Variants in PHIP observed in about 807,000 individuals in gnomAD.
PHIP encodes the protein PH-interacting protein.
PHIP carries 54 observed loss-of-function variants against 236.8 expected under a neutral mutation model. The ratio of observed to expected loss-of-function variants is 0.23; its 90% confidence interval spans 0.18 to 0.29. The LOEUF is 0.29. Among genes scored for constraint, PHIP ranks in the 10% least tolerant of loss-of-function variants. PHIP has a pLI of 1.00. For missense variants in PHIP, 1,370 were observed against 2,190.8 expected, an observed-to-expected ratio of 0.63 and a Z score of 7.48; for synonymous variants, 756 against 718.9, an observed-to-expected ratio of 1.05 and a Z score of -0.83.
rs530257010 is a variant in PHIP at position 78,983,773 on chromosome 6, GC to G, written c.2538-657del. ...AGGTGTATCTTATGCTTCAAAGCAT[GC>G]CATGATTCAGAAAAATACAGGCCTT... is the stretch of plus-strand genomic sequence containing the variant. On this transcript the variant is annotated intron_variant, in intron 22 of 39. Coordinates refer to ENST00000275034, the MANE Select transcript of PHIP (RefSeq NM_017934.7). Among the ~76,000 whole-genome samples, 214 of 152,218 alleles carry G rather than the reference GC, an allele frequency of 1.4e-3. 4 individuals are homozygous for G. Among genetic ancestry groups the G allele is most frequent in the African/African-American group, 4.6e-3 (189 of 41,524 alleles).
intron 37 of PHIP, 62 bp from the exon 38 acceptor site, chr6:78,946,322 T>G: frequency 1.3e-6 from 2 of 1,489,090 alleles, no homozygotes; most frequent in Non-Finnish European, 1.8e-6. Context: ...TAAAACAGTT[T>G]ATAATATTTT....
intron 27 of PHIP, among the ~76,000 whole-genome samples, chr6:78,968,121 C>A (rs1054656890): frequency 6.6e-6 from 1 of 152,030 alleles, no homozygotes; most frequent in South Asian, 2.1e-4. Flanking sequence ...GGTGACAGAG[C>A]GAGACTCCAT....
chr6:79,077,399 T>C, intron 4 of PHIP, 49 bp downstream of exon 4: 1 of 1,497,168 alleles, frequency 6.7e-7, no homozygotes, highest in South Asian at 1.1e-5. Flanking sequence ...ATTCAATTTT[T>C]ATTCGACTCA....
chr6:78,935,165 T>C lies in PHIP; in HGVS notation c.*5528A>G, dbSNP rs1444205322. On this transcript the variant is annotated 3_prime_UTR_variant, in exon 40 of 40. Coordinates refer to ENST00000275034, the MANE Select transcript of PHIP (RefSeq NM_017934.7). ...GGTTCTTCTAAGTATATACTAGGTA[T>C]TGTTATTAGCAGACTTCATAAAGAA... Among the ~76,000 whole-genome samples, 2 of 152,178 alleles carry C rather than the reference T, an allele frequency of 1.3e-5. No individual in the cohort carries two copies. The highest frequency in any genetic ancestry group is 2.9e-5 in the Non-Finnish European group (2 of 68,016).
rs1038564652 is a variant in PHIP at position 79,013,835 on chromosome 6, AT to A, written c.1524+1246del. Among the ~76,000 whole-genome samples the A allele has an allele frequency of 1.3e-3, 194 of 151,598 alleles. 1 individual carries two copies. Among genetic ancestry groups the A allele is most frequent in the African/African-American group, 4.5e-3 (185 of 41,458 alleles). On this transcript the variant is annotated intron_variant, in intron 15 of 39. Coordinates refer to ENST00000275034, the MANE Select transcript of PHIP (RefSeq NM_017934.7). ...CTAGTATATATATAGCTCACATATT[AT>A]TTTTTTTAAGCTATAAAGACAGATT...
In PHIP at chr6:78,977,864, CT is replaced by C. The variant is rs974349285; in HGVS notation, c.2889+727del. ...TCTAGCATTAAAAAGTTTTTGTTTT[CT>C]TTTTTTTCTTAAAGTGTCAATTACC... On this transcript the variant is annotated intron_variant, in intron 24 of 39. Transcript: ENST00000275034. Among the ~76,000 whole-genome samples the C allele has an allele frequency of 9.2e-5, 14 of 151,920 alleles. No individual in the cohort carries two copies. In the South Asian group the frequency reaches 1.9e-3, roughly 20 times the overall value.
Position 78,982,873 on chromosome 6 carries a change from T to C in PHIP, c.2769+13A>G. On this transcript the variant is annotated intron_variant, in intron 23 of 39. Transcript: ENST00000275034. ...TCTAGAAAACACCAAATTTGTAATG[T>C]TAAAAACCAAACCTTTTGTTTTCTT... 1 of 1,513,162 alleles carries C rather than the reference T, an allele frequency of 6.6e-7. No individual in the cohort carries two copies. Among genetic ancestry groups the C allele is most frequent in the Non-Finnish European group, 8.9e-7 (1 of 1,123,774 alleles). 93.7% of individuals were successfully genotyped at this position (1,513,162 alleles called of 1,614,324 possible). A position where few individuals can be genotyped will look rare whatever the true frequency, so the allele number is the denominator to read the frequency against.
intron 23 of PHIP, among the ~76,000 whole-genome samples, chr6:78,980,910 T>C (rs1326956901): frequency 1.3e-5 from 2 of 152,044 alleles, no homozygotes; most frequent in African/African-American, 4.8e-5. Context: ...AAGGAATTTA[T>C]CTATGTTCAA....
In PHIP at chr6:78,940,979, G is replaced by A. The variant is rs373941762; in HGVS notation, c.5180C>T (p.Ala1727Val). ...KRKMKTQKLD[A>V]DLLVPASVKV... ...GACACTTGCAGGGACTAGGAGATCT[G>A]CATCTAATTTTTGTGTCTTCATCTT... The change falls in exon 40 of 40, where the codon GCA (alanine) becomes GTA (valine). Residue 1727 changes from alanine to valine, a missense_variant. Ala to Val is a moderately conservative substitution (Grantham distance 64). This residue lies in a region of PHIP where 309 missense variants were observed against 328.3 expected (regional missense o/e 0.94). Coordinates refer to ENST00000275034, the MANE Select transcript of PHIP (RefSeq NM_017934.7). The A allele has an allele frequency of 2.3e-5, 37 of 1,613,730 alleles. No homozygotes were observed. In the African/African-American group the frequency reaches 4.7e-4, roughly 20 times the overall value.
chr6:79,055,820 T>C (rs1773041718), intron 6 of PHIP, among the ~76,000 whole-genome samples: 1 of 152,230 alleles, frequency 6.6e-6, no homozygotes, highest in South Asian at 2.1e-4. Flanking sequence ...ATGTATTTTA[T>C]ATTCCAAGTG....
chr6:79,073,656 T>C (rs893357486), intron 4 of PHIP, among the ~76,000 whole-genome samples: 8 of 152,094 alleles, frequency 5.3e-5, no homozygotes, highest in Non-Finnish European at 1.0e-4. Flanking sequence ...ATACCTAAGA[T>C]ATATACTTAA....
At chr6:78,976,582 A>G (rs1463429078) in intron 24 of PHIP, among the ~76,000 whole-genome samples, 3 of 138,742 alleles carry the variant, frequency 2.2e-5, no homozygotes, top group Non-Finnish European at 4.7e-5. Flanking sequence ...ATCAGAGTGA[A>G]CAGGCAACCT....
In PHIP at chr6:78,994,577, A is replaced by AAAAAGAAAAG. The variant is rs59170399; in HGVS notation, c.2201+2827_2201+2836dup. Among the ~76,000 whole-genome samples, 6 of 151,022 alleles carry AAAAAGAAAAG rather than the reference A, an allele frequency of 4.0e-5. 1 individual carries two copies. The highest frequency in any genetic ancestry group is 4.2e-4 in the South Asian group (2 of 4,772). On this transcript the variant is annotated intron_variant, in intron 19 of 39. Coordinates refer to ENST00000275034, the MANE Select transcript of PHIP (RefSeq NM_017934.7). The stretch of plus-strand genomic sequence containing the variant: ...GGGCAACAAAGTAAGACTCTGTCTC[A>AAAAAGAAAAG]AAAAGAAAAGAAAAGAAAATTACAT...
At chr6:79,052,444 T>C (rs1385324092) in intron 6 of PHIP, among the ~76,000 whole-genome samples, 2 of 152,180 alleles carry the variant, frequency 1.3e-5, no homozygotes, top group Non-Finnish European at 2.9e-5. Context: ...TATAGAGTGC[T>C]TTCTAAGCTA....
intron 13 of PHIP, 91 bp downstream of exon 13, chr6:79,016,453 T>A: frequency 1.7e-6 from 1 of 604,406 alleles, no homozygotes. Context: ...TAACATGATA[T>A]ATAATTTTAT....
chr6:79,044,016 T>G (rs1303156699), intron 6 of PHIP, among the ~76,000 whole-genome samples: 1 of 151,994 alleles, frequency 6.6e-6, no homozygotes, highest in Admixed American at 6.6e-5. Context: ...TTATGAAGAA[T>G]CTCAGTATTG....
chr6:78,952,982 T>C (rs1766151402), intron 35 of PHIP, among the ~76,000 whole-genome samples: 2 of 152,158 alleles, frequency 1.3e-5, no homozygotes, highest in Non-Finnish European at 2.9e-5. Context: ...AGGGTACTAA[T>C]ATTTTCATTT....
chr6:79,075,412 C>T (rs1774100615), intron 4 of PHIP, among the ~76,000 whole-genome samples: 1 of 152,068 alleles, frequency 6.6e-6, no homozygotes, highest in African/African-American at 2.4e-5. Flanking sequence ...AGTATGCCAA[C>T]GTTCCTGTTC....
In PHIP at chr6:79,001,913, C is replaced by T. The variant is rs1770021099; in HGVS notation, c.1865G>A (p.Gly622Glu). The T allele has an allele frequency of 6.2e-7, 1 of 1,608,902 alleles. No homozygotes were observed. Among genetic ancestry groups the T allele is most frequent in the South Asian group, 1.1e-5 (1 of 90,940 alleles). Residue 622 changes from glycine (G) to glutamate (E), a missense_variant, in exon 17 of 40, where the codon GGA becomes GAA. By Grantham distance (98) the Gly-to-Glu change is moderately conservative (BLOSUM62 -2). Coordinates refer to ENST00000275034, the MANE Select transcript of PHIP (RefSeq NM_017934.7). ...CREEQLIPQM[G>E]VTSSGLNQVL... Reference sequence around the variant, plus strand: ...TGAGCACCTACCTGAGGAAGTTACTCCCATCTGAGGGATGAGTTGCTCCTC... The same window carrying T: ...TGAGCACCTACCTGAGGAAGTTACTTCCATCTGAGGGATGAGTTGCTCCTC...
Sources: gnomAD v4.1 joint callset for allele counts (sites outside exome capture counted in the v4.1 genomes callset) on GRCh38, gnomAD v4.1.1 for gene constraint, gnomAD v4.1.1 regional missense constraint, MANE v1.5 for transcripts, NCBI Gene and HGNC (gene_info 2026-07-23, HGNC 2026-07-21) for gene names.